The following RSF1 variants were observed in gnomAD, a reference collection of about 807,000 sequenced individuals.
RSF1 encodes HBV pX-associated protein 8.
RSF1 carries 13 observed loss-of-function variants against 145.2 expected under a neutral mutation model. The observed-to-expected ratio is 0.09, with a 90% CI of 0.06 to 0.14. The LOEUF (loss-of-function observed/expected upper bound fraction) is 0.14. RSF1 is among the 10% of genes least tolerant of loss of function. RSF1 has a pLI of 1.00. For missense variants in RSF1, 1,517 were observed against 1,718.2 expected (o/e 0.88, Z 2.07); for synonymous variants, 577 against 592.6 (o/e 0.97, Z 0.38).
Position 77,747,128 on chromosome 11 carries a change from T to G in RSF1, c.280A>C (p.Ile94Leu). 1 of 1,597,588 alleles carries G rather than the reference T, an allele frequency of 6.3e-7. No homozygotes were observed. The highest frequency in any genetic ancestry group is 8.6e-7 in the Non-Finnish European group (1 of 1,166,118). Residue 94 changes from isoleucine (I) to leucine (L), a missense_variant and splice_region_variant, in exon 3 of 16, where the codon ATA becomes CTA. By Grantham distance (5) the Ile-to-Leu change is conservative. This residue lies in a region of RSF1 where 94 missense variants were observed against 143.6 expected (regional missense o/e 0.65). Coordinates refer to ENST00000308488, the MANE Select transcript of RSF1 (RefSeq NM_016578.4). ...CAGGTACTGTTAAACTCTTGGCATATCTGTCAGATAAAGTTAATATCTTAA... is the reference window on the plus strand; with the variant it reads ...CAGGTACTGTTAAACTCTTGGCATAGCTGTCAGATAAAGTTAATATCTTAA... ...ADRWEKYLIK[I>L]CQEFNSTWAW... is the part of the protein sequence containing the mutation.
chr11:77,670,126 A>G (rs773463320), intron 15 of RSF1, among the ~76,000 whole-genome samples: 2 of 152,162 alleles, frequency 1.3e-5, no homozygotes, highest in South Asian at 2.1e-4. Flanking sequence ...TCAAAAACAA[A>G]AACAAAAACC....
chr11:77,832,899 T>C, the RSF1 span, among the ~76,000 whole-genome samples: 4 of 150,664 alleles, frequency 2.7e-5, no homozygotes, highest in African/African-American at 7.3e-5. Context: ...AGAGATGGTT[T>C]CAGGATGATT....
chr11:77,714,028 C>G (rs1960749292), intron 5 of RSF1, among the ~76,000 whole-genome samples: 1 of 152,210 alleles, frequency 6.6e-6, no homozygotes, highest in South Asian at 2.1e-4. Flanking sequence ...AATTTCATAA[C>G]TTTAGAGCTC....
At position 77,685,843 on chromosome 11, in the gene RSF1, T is replaced by A. The variant is rs17135810; in HGVS notation, c.2901-684A>T. 3.8e-3 allele frequency among the ~76,000 whole-genome samples: 582 copies of A among 152,272 alleles called. 3 individuals are homozygous for A. The highest frequency in any genetic ancestry group is 0.013 in the African/African-American group (554 of 41,556). Reference sequence around the variant, plus strand: ...ATGCTGGAGAAAGTTTTTAGTAATATTTTGGGTGTATGTATAAACAATTAT... The same window carrying A: ...ATGCTGGAGAAAGTTTTTAGTAATAATTTGGGTGTATGTATAAACAATTAT... On this transcript the variant is annotated intron_variant, in intron 9 of 15. Coordinates refer to ENST00000308488, the MANE Select transcript of RSF1 (RefSeq NM_016578.4).
intron 5 of RSF1, among the ~76,000 whole-genome samples, chr11:77,704,114 T>G (rs1332421529): frequency 6.6e-6 from 1 of 152,166 alleles, no homozygotes; most frequent in Non-Finnish European, 1.5e-5. Context: ...GACAGCATGG[T>G]GAAACTCTGT....
chr11:77,857,318 C>T, the RSF1 span, among the ~76,000 whole-genome samples: 1 of 152,084 alleles, frequency 6.6e-6, no homozygotes, highest in Non-Finnish European at 1.5e-5. Context: ...GGAGAAGTTT[C>T]CCAGGTAAAC....
chr11:77,773,046 G>T (rs895390392), intron 1 of RSF1, among the ~76,000 whole-genome samples: 2 of 152,036 alleles, frequency 1.3e-5, no homozygotes, highest in African/African-American at 4.8e-5. Context: ...TATGCACCTT[G>T]AGGCATTATC....
In RSF1 at chr11:77,729,895, C is replaced by CAAAAAA. The variant is rs398045289; in HGVS notation, c.579-4202_579-4197dup. 9.6e-4 allele frequency among the ~76,000 whole-genome samples: 47 copies of CAAAAAA among 48,930 alleles called. 4 individuals carry two copies. Among genetic ancestry groups the CAAAAAA allele is most frequent in the Admixed American group, 1.3e-3 (5 of 3,864 alleles). 32.1% of individuals were successfully genotyped at this position (48,930 alleles called of 152,430 possible). ...TATAAATGCCAAATTATTCAGTAGG[C>CAAAAAA]AAAAAAAAAAAAAAAAAAAAAAAAA... On this transcript the variant is annotated intron_variant, in intron 4 of 15. Coordinates refer to ENST00000308488, the MANE Select transcript of RSF1 (RefSeq NM_016578.4).
upstream of RSF1, among the ~76,000 whole-genome samples, chr11:77,825,851 C>G (rs998285516): frequency 1.1e-4 from 16 of 152,092 alleles, no homozygotes; most frequent in Admixed American, 3.9e-4. Flanking sequence ...GCCACTACAT[C>G]CGGCTAATTT....
In RSF1 at chr11:77,664,172, T is replaced by G. The variant is rs904655744; in HGVS notation, c.*2745A>C. On this transcript the variant is annotated 3_prime_UTR_variant, in exon 16 of 16. Transcript: ENST00000308488. The stretch of plus-strand genomic sequence containing the variant: ...CATAAACTCTTTGAGGGACTGAATC[T>G]GAACTCCAAGCAGCAAAACCGTTTT... 2 of 152,246 alleles carry G rather than the reference T, an allele frequency of 1.3e-5. No individual in the cohort carries two copies. The highest frequency in any genetic ancestry group is 2.9e-5 in the Non-Finnish European group (2 of 68,042). The allele number at this position is 152,246 out of a possible 1,614,324, so 9.4% of individuals were successfully genotyped here.
intron 15 of RSF1, among the ~76,000 whole-genome samples, 183 bp from the exon 16 acceptor site, chr11:77,667,674 T>C (rs1325280231): frequency 3.3e-5 from 5 of 152,176 alleles, no homozygotes; most frequent in African/African-American, 1.2e-4. Context: ...ATATGATTCA[T>C]GGTGTACTTT....
chr11:77,870,648 T>G, the RSF1 span, among the ~76,000 whole-genome samples: 7 of 152,206 alleles, frequency 4.6e-5, no homozygotes, highest in East Asian at 9.7e-4. Context: ...ATTTTTTAAT[T>G]TTCTTACAGA....
At chr11:77,694,650 AC>A (rs1960239267) in intron 7 of RSF1, among the ~76,000 whole-genome samples, 1 of 152,240 alleles carries the variant, frequency 6.6e-6, no homozygotes, top group South Asian at 2.1e-4. Flanking sequence ...TAACTATGGT[AC>A]ATTTATCAAA....
At chr11:77,784,980 CT>C (rs1205201889) in intron 1 of RSF1, among the ~76,000 whole-genome samples, 1 of 152,228 alleles carries the variant, frequency 6.6e-6, no homozygotes, top group East Asian at 1.9e-4. Flanking sequence ...GAACCTGGCC[CT>C]GCAACTTCTA....
intron 11 of RSF1, among the ~76,000 whole-genome samples, chr11:77,681,850 T>A (rs1363410653): frequency 1.3e-5 from 2 of 152,238 alleles, no homozygotes; most frequent in African/African-American, 4.8e-5. Context: ...TTTTTCAGTA[T>A]AAAACGCCAT....
chr11:77,812,503 G>C (rs1171359586), intron 1 of RSF1, among the ~76,000 whole-genome samples: 1 of 152,168 alleles, frequency 6.6e-6, no homozygotes. Context: ...TATACTTCAT[G>C]TTGCTCTTCA....
chr11:77,671,139 ATATAT>A (rs1384844068), intron 15 of RSF1, among the ~76,000 whole-genome samples: 7 of 7,230 alleles, frequency 9.7e-4, no homozygotes, highest in Non-Finnish European at 1.2e-3. Flanking sequence ...AAAAAAAAAA[ATATAT>A]ATATATATAT....
intron 1 of RSF1, among the ~76,000 whole-genome samples, chr11:77,781,596 C>T (rs1386912015): frequency 1.3e-5 from 2 of 152,156 alleles, no homozygotes; most frequent in Non-Finnish European, 2.9e-5. Flanking sequence ...TCTAAGAGTT[C>T]CAACTGTTTC....
chr11:77,791,183 A>G, intron 1 of RSF1, among the ~76,000 whole-genome samples: 1 of 152,228 alleles, frequency 6.6e-6, no homozygotes, highest in East Asian at 1.9e-4. Flanking sequence ...GGAGGTTCCC[A>G]AACCTCAATT....
Sources: gnomAD v4.1 joint callset for allele counts (sites outside exome capture counted in the v4.1 genomes callset) on GRCh38, gnomAD v4.1.1 for gene constraint, gnomAD v4.1.1 regional missense constraint, MANE v1.5 for transcripts, NCBI Gene and HGNC (gene_info 2026-07-23, HGNC 2026-07-21) for gene names.